Variants in SFXN5 observed in about 807,000 individuals in gnomAD.
SFXN5 encodes the protein sideroflexin 5.
Under a neutral mutation model 50.2 loss-of-function variants are expected in SFXN5, and 43 were observed. The ratio of observed to expected loss-of-function variants is 0.86; its 90% CI spans 0.67 to 1.11. The LOEUF (loss-of-function observed/expected upper bound fraction) is 1.11, where lower values mean the gene tolerates loss of function less well. Among genes scored for constraint, SFXN5 ranks in the 50% least tolerant of loss-of-function variants. The pLI is 0.00. For missense variants in SFXN5, 463 were observed against 454.1 expected (o/e 1.02, Z -0.18); for synonymous variants, 203 against 185.8 (o/e 1.09, Z -0.75).
At chr2:73,024,399 G>A (rs1677292334) in intron 3 of SFXN5, among the ~76,000 whole-genome samples, 1 of 152,200 alleles carries the variant, frequency 6.6e-6, no homozygotes, top group Admixed American at 6.5e-5. Context: ...GCTCACACCT[G>A]TAGTCCCAAC....
At chr2:73,005,573 T>G (rs978378025) in intron 6 of SFXN5, among the ~76,000 whole-genome samples, 2 of 152,208 alleles carry the variant, frequency 1.3e-5, no homozygotes, top group Non-Finnish European at 2.9e-5. Flanking sequence ...AAGCGCTCCC[T>G]GGATGCCGGT....
At chr2:73,016,291 T>C (rs748633863) in intron 6 of SFXN5, among the ~76,000 whole-genome samples, 1 of 152,268 alleles carries the variant, frequency 6.6e-6, no homozygotes, top group Non-Finnish European at 1.5e-5. Flanking sequence ...ACAAATAATC[T>C]AATGTAAGAA....
At chr2:73,013,282 AATTAAAT>A (rs1489236871) in intron 6 of SFXN5, among the ~76,000 whole-genome samples, 1 of 152,202 alleles carries the variant, frequency 6.6e-6, no homozygotes, top group Non-Finnish European at 1.5e-5. Flanking sequence ...ATGGCACAGA[AATTAAAT>A]GACTCTGACA....
At position 72,947,839 on chromosome 2, in the gene SFXN5, G is replaced by A. The variant is rs924877255; in HGVS notation, c.946-2740C>T. Among the ~76,000 whole-genome samples, 22 of 26,698 alleles carry A rather than the reference G, an allele frequency of 8.2e-4. No individual in the cohort carries two copies. In the East Asian group the frequency reaches 0.016, roughly 20 times the overall value. 17.5% of individuals were successfully genotyped at this position (26,698 alleles called of 152,430 possible). On this transcript the variant is annotated intron_variant, in intron 13 of 13. Transcript: ENST00000272433. ...TCCCACCCCACCCCTGCCACCCCCA[G>A]TCCCCTCCACCCTGCCGGCTCCCCT...
At chr2:73,048,460 C>T (rs563816337) in intron 2 of SFXN5, among the ~76,000 whole-genome samples, 40 of 152,338 alleles carry the variant, frequency 2.6e-4, no homozygotes, top group African/African-American at 8.7e-4. Flanking sequence ...AGGTGATCCA[C>T]CTGCCTCAGC....
chr2:72,958,192 C>T (rs573471682), intron 13 of SFXN5, among the ~76,000 whole-genome samples: 2 of 152,192 alleles, frequency 1.3e-5, no homozygotes, highest in Admixed American at 6.5e-5. Context: ...TCTTCTAGAC[C>T]GTTTCCTACC....
intron 3 of SFXN5, among the ~76,000 whole-genome samples, chr2:73,033,007 A>G (rs1250395097): frequency 1.3e-5 from 2 of 152,168 alleles, no homozygotes; most frequent in Non-Finnish European, 1.5e-5. Context: ...CATAGCACAC[A>G]GCAGCAGTTG....
intron 3 of SFXN5, among the ~76,000 whole-genome samples, chr2:73,035,815 A>C (rs758173707): frequency 1.3e-5 from 2 of 152,162 alleles, no homozygotes; most frequent in Non-Finnish European, 2.9e-5. Context: ...AGCAACCTTT[A>C]AACAAGGTAA....
At chr2:72,990,249 G>A (rs1384182209) in intron 9 of SFXN5, among the ~76,000 whole-genome samples, 2 of 152,228 alleles carry the variant, frequency 1.3e-5, no homozygotes, top group East Asian at 3.8e-4. Flanking sequence ...GATCCTCAGA[G>A]TCCAATCCTT....
At chr2:73,036,043 C>T (rs1289642861) in intron 3 of SFXN5, among the ~76,000 whole-genome samples, 7 of 152,226 alleles carry the variant, frequency 4.6e-5, no homozygotes, top group Non-Finnish European at 4.4e-5. Context: ...GACCCAGTTG[C>T]AGGCTTCTGG....
intron 13 of SFXN5, among the ~76,000 whole-genome samples, chr2:72,959,721 T>C (rs905823514): frequency 6.6e-6 from 1 of 152,116 alleles, no homozygotes; most frequent in African/African-American, 2.4e-5. Context: ...CTCCTCTTCA[T>C]AGACTTTCCC....
chr2:72,956,778 G>A (rs545859639), intron 13 of SFXN5, among the ~76,000 whole-genome samples: 1 of 152,216 alleles, frequency 6.6e-6, no homozygotes, highest in African/African-American at 2.4e-5. Flanking sequence ...CTTGGGCTCT[G>A]GGCATTCCTT....
At chr2:72,970,633 C>T (rs1403986784) in intron 11 of SFXN5, among the ~76,000 whole-genome samples, 1 of 152,126 alleles carries the variant, frequency 6.6e-6, no homozygotes, top group African/African-American at 2.4e-5. Flanking sequence ...AGCCACTAAC[C>T]ACCATCAGGA....
chr2:73,000,755 G>C (rs551481208), intron 7 of SFXN5, among the ~76,000 whole-genome samples: 1 of 152,322 alleles, frequency 6.6e-6, no homozygotes, highest in East Asian at 1.9e-4. Flanking sequence ...CTGATCCTGA[G>C]ACAGTCACCT....
intron 2 of SFXN5, among the ~76,000 whole-genome samples, chr2:73,055,834 G>C (rs924044664): frequency 2.6e-5 from 4 of 152,120 alleles, no homozygotes; most frequent in African/African-American, 9.7e-5. Flanking sequence ...AGCCAGGATG[G>C]TCTCAATCTC....
intron 10 of SFXN5, among the ~76,000 whole-genome samples, chr2:72,985,508 G>C (rs1671801285): frequency 6.8e-6 from 1 of 147,054 alleles, no homozygotes; most frequent in Non-Finnish European, 1.5e-5. Context: ...CAGTCCGCAA[G>C]TGTCCACTTG....
chr2:72,969,023 G>A (rs534898506), intron 11 of SFXN5, among the ~76,000 whole-genome samples: 3 of 152,118 alleles, frequency 2.0e-5, no homozygotes, highest in Non-Finnish European at 2.9e-5. Flanking sequence ...GGCCAGGCTG[G>A]TCTCGAACTC....
At chr2:72,957,278 C>A (rs1034410866) in intron 13 of SFXN5, among the ~76,000 whole-genome samples, 2 of 152,164 alleles carry the variant, frequency 1.3e-5, no homozygotes, top group African/African-American at 4.8e-5. Context: ...TAAGGTACAC[C>A]GAGCTCCCAG....
intron 13 of SFXN5, among the ~76,000 whole-genome samples, chr2:72,951,902 T>C (rs1228493339): frequency 6.6e-6 from 1 of 152,218 alleles, no homozygotes; most frequent in Non-Finnish European, 1.5e-5. Flanking sequence ...TGGGACCGCT[T>C]TGTCCACTGG....
Sources: gnomAD v4.1 joint callset for allele counts (sites outside exome capture counted in the v4.1 genomes callset) on GRCh38, gnomAD v4.1.1 for gene constraint, MANE v1.5 for transcripts, NCBI Gene and HGNC (gene_info 2026-07-23, HGNC 2026-07-21) for gene names.